GAPVD1: variants seen among roughly 807,000 people sequenced by gnomAD.
GAPVD1 encodes the protein GTPase activating protein and VPS9 domains 1.
GAPVD1 carries 35 observed loss-of-function variants against 155.5 expected under a neutral mutation model. The ratio of observed to expected loss-of-function variants is 0.23; its 90% CI spans 0.17 to 0.30. The LOEUF (loss-of-function observed/expected upper bound fraction) is 0.30. Among genes scored for constraint, GAPVD1 ranks in the 10% least tolerant of loss-of-function variants. The probability of loss-of-function intolerance (pLI) is 1.00; values close to 1 mark genes in which losing one functional copy is unlikely to be tolerated. For synonymous variants in GAPVD1, 636 were observed against 619.7 expected (o/e 1.03, Z -0.39); for missense variants, 1,429 against 1,775.7 (o/e 0.80, Z 3.51).
rs367653922 is a variant in GAPVD1 at position 125,365,059 on chromosome 9, G to C, written c.*2313G>C. The C allele has an allele frequency of 2.0e-5, 3 of 152,260 alleles. No individual in the cohort carries two copies. The highest frequency in any genetic ancestry group is 2.0e-4 in the Admixed American group (3 of 15,268). 9.4% of individuals were successfully genotyped at this position (152,260 alleles called of 1,614,324 possible). ...AGAAGGTGGTGGGATTGGGGTGAAG[G>C]GCTACACTGGAGGCAGGAGATAGGG... On this transcript the variant is annotated 3_prime_UTR_variant, in exon 28 of 28. Coordinates refer to ENST00000297933, the MANE Select transcript of GAPVD1 (RefSeq NM_001282680.3).
Position 125,337,218 on chromosome 9 carries a change from C to CA in GAPVD1, c.2507-2dup, listed in dbSNP as rs1847165550. 1 of 1,613,058 alleles carries CA rather than the reference C, an allele frequency of 6.2e-7. No individual in the cohort carries two copies. Among genetic ancestry groups the CA allele is most frequent in the Non-Finnish European group, 8.5e-7 (1 of 1,179,388 alleles). On this transcript the variant is annotated splice_region_variant and splice_polypyrimidine_tract_variant and intron_variant, in intron 16 of 27. Transcript: ENST00000297933. ...TTACAAAACTTTTTTTCCTGTGTTG[C>CA]AGGGGCTTCTGCTGTGGTAAGGCCA...
chr9:125,348,668 T>A (rs765286561), intron 20 of GAPVD1, among the ~76,000 whole-genome samples: 1 of 152,050 alleles, frequency 6.6e-6, no homozygotes, highest in African/African-American at 2.4e-5. Flanking sequence ...TGTGCCACCA[T>A]ACGTGGCTGA....
chr9:125,295,041 C>G (rs531464867), intron 2 of GAPVD1, among the ~76,000 whole-genome samples: 13 of 151,662 alleles, frequency 8.6e-5, no homozygotes, highest in African/African-American at 2.7e-4. Flanking sequence ...TAGCTACATA[C>G]TAGATATGTC....
chr9:125,308,778 T>A (rs941206258), intron 8 of GAPVD1: 8 of 152,240 alleles, frequency 5.3e-5, no homozygotes, highest in African/African-American at 1.9e-4. Context: ...CATTAGGACC[T>A]GCCCTTACTG....
chr9:125,308,858 T>G (rs1842256539), intron 8 of GAPVD1: 1 of 152,174 alleles, frequency 6.6e-6, no homozygotes, highest in Admixed American at 6.6e-5. Flanking sequence ...ATACTAAGCG[T>G]TCTGAGGAGA....
chr9:125,275,071 T>C (rs763976526), intron 2 of GAPVD1, among the ~76,000 whole-genome samples: 4 of 152,160 alleles, frequency 2.6e-5, no homozygotes, highest in African/African-American at 4.8e-5. Context: ...TTAATTTTTT[T>C]CAATTTTTAA....
intron 9 of GAPVD1, among the ~76,000 whole-genome samples, chr9:125,317,421 T>G (rs1001315933): frequency 6.1e-5 from 9 of 146,682 alleles, no homozygotes; most frequent in African/African-American, 2.3e-4. Context: ...AAGTTGGGAG[T>G]TTGAGACCAG....
intron 10 of GAPVD1, among the ~76,000 whole-genome samples, chr9:125,322,710 C>T (rs1274064179): frequency 2.6e-5 from 4 of 151,412 alleles, no homozygotes; most frequent in Non-Finnish European, 5.9e-5. Flanking sequence ...TAATTTTTTT[C>T]AACTTTCTTC....
intron 17 of GAPVD1, among the ~76,000 whole-genome samples, chr9:125,340,120 A>G (rs1445841299): frequency 5.9e-5 from 9 of 152,188 alleles, no homozygotes; most frequent in Admixed American, 6.6e-5. Context: ...TCCCGGGTTC[A>G]AGTGATTCTC....
At chr9:125,321,332 G>A (rs1844309860) in intron 9 of GAPVD1, 101 bp from the exon 10 acceptor site, 2 of 765,236 alleles carry the variant, frequency 2.6e-6, no homozygotes, top group Non-Finnish European at 4.3e-6. Flanking sequence ...GTTAAAAATT[G>A]ATAATTTAAG....
At chr9:125,272,430 A>C (rs1588538796) in intron 2 of GAPVD1, among the ~76,000 whole-genome samples, 1 of 152,106 alleles carries the variant, frequency 6.6e-6, no homozygotes, top group Non-Finnish European at 1.5e-5. Context: ...TTAATATCTA[A>C]CTATTGCAGG....
At chr9:125,331,108 AC>A in intron 13 of GAPVD1, among the ~76,000 whole-genome samples, 1 of 152,144 alleles carries the variant, frequency 6.6e-6, no homozygotes, top group Non-Finnish European at 1.5e-5. Flanking sequence ...AATGTCAACT[AC>A]CAGAATGTAA....
intron 13 of GAPVD1, among the ~76,000 whole-genome samples, chr9:125,331,426 C>T (rs1846061243): frequency 1.3e-5 from 2 of 152,104 alleles, no homozygotes; most frequent in South Asian, 4.1e-4. Context: ...GTCTCGAACT[C>T]CTGACCTCAG....
chr9:125,304,233 A>C (rs1841429920), intron 5 of GAPVD1, among the ~76,000 whole-genome samples: 1 of 152,014 alleles, frequency 6.6e-6, no homozygotes, highest in Non-Finnish European at 1.5e-5. Context: ...TCATTTAAAA[A>C]ATGTTTTTGT....
chr9:125,353,412 C>T (rs544957798), intron 23 of GAPVD1, among the ~76,000 whole-genome samples: 2 of 152,320 alleles, frequency 1.3e-5, no homozygotes, highest in South Asian at 2.1e-4. Flanking sequence ...TACTTTCCCA[C>T]ATTTTCCTGT....
chr9:125,286,404 AAAGTG>A (rs1423479268), intron 2 of GAPVD1, among the ~76,000 whole-genome samples: 1 of 151,996 alleles, frequency 6.6e-6, no homozygotes, highest in African/African-American at 2.4e-5. Flanking sequence ...TTGGCTTCCC[AAAGTG>A]CTGGAATTAC....
At chr9:125,338,010 G>A (rs1847285093) in intron 17 of GAPVD1, among the ~76,000 whole-genome samples, 1 of 152,062 alleles carries the variant, frequency 6.6e-6, no homozygotes, top group South Asian at 2.1e-4. Context: ...TGAGTAGGTG[G>A]GACTACAGGC....
At chr9:125,336,457 C>T (rs1282066843) in intron 15 of GAPVD1, among the ~76,000 whole-genome samples, 2 of 152,146 alleles carry the variant, frequency 1.3e-5, no homozygotes, top group African/African-American at 4.8e-5. Context: ...TATTTGTACG[C>T]TGTCTGTACA....
intron 2 of GAPVD1, among the ~76,000 whole-genome samples, chr9:125,274,703 C>G (rs1835480436): frequency 6.6e-6 from 1 of 152,112 alleles, no homozygotes; most frequent in African/African-American, 2.4e-5. Context: ...CTAAGGTAAT[C>G]CACCCACCTT....
Sources: allele counts gnomAD v4.1 joint callset (sites outside exome capture counted in the v4.1 genomes callset), GRCh38; gene constraint gnomAD v4.1.1; transcripts MANE v1.5; gene names NCBI Gene and HGNC (gene_info 2026-07-23, HGNC 2026-07-21).